The following CAMK4 variants were observed in gnomAD, a reference collection of about 807,000 sequenced individuals.
The protein encoded by CAMK4 is calcium/calmodulin-dependent protein kinase type IV.
In CAMK4, 22 loss-of-function variants were observed where a neutral mutation model predicts 44.9. The ratio of observed to expected loss-of-function variants is 0.49; its 90% CI spans 0.35 to 0.70. The LOEUF (loss-of-function observed/expected upper bound fraction) is 0.70. Among genes scored for constraint, CAMK4 ranks in the 30% least tolerant of loss-of-function variants. The pLI, the probability that CAMK4 is intolerant of heterozygous loss-of-function variation, is 0.01. For synonymous variants in CAMK4, 218 were observed against 215.4 expected (o/e 1.01, Z -0.11); for missense variants, 498 against 586.8 (o/e 0.85, Z 1.56).
intron 5 of CAMK4, among the ~76,000 whole-genome samples, chr5:111,426,141 C>G (rs958547508): frequency 2.6e-5 from 4 of 152,008 alleles, no homozygotes; most frequent in Non-Finnish European, 5.9e-5. Flanking sequence ...TTTTGTATTT[C>G]ATTGATCATA....
At chr5:111,411,081 A>G (rs1752616374) in intron 5 of CAMK4, among the ~76,000 whole-genome samples, 1 of 152,180 alleles carries the variant, frequency 6.6e-6, no homozygotes, top group South Asian at 2.1e-4. Context: ...TTTGTCAACA[A>G]TCTTCCAAAC....
At position 111,486,253 on chromosome 5, in the gene CAMK4, A is replaced by G. The variant is rs952752304; in HGVS notation, c.*1787A>G. On this transcript the variant is annotated 3_prime_UTR_variant, in exon 11 of 11. Transcript: ENST00000282356. ...CAGGTCACTGATATGGAGCCCCTGA[A>G]GAAGCACATCATCTGGGCTCAGAAG... 1.3e-5 allele frequency: 2 copies of G among 152,036 alleles called. No homozygotes were observed. Among genetic ancestry groups the G allele is most frequent in the African/African-American group, 2.4e-5 (1 of 41,388 alleles). The allele number at this position is 152,036 out of a possible 1,614,324, so 9.4% of individuals were successfully genotyped here. A position where few individuals can be genotyped will look rare whatever the true frequency, so the allele number is the denominator to read the frequency against.
At chr5:111,308,155 A>G (rs1748012103) in intron 1 of CAMK4, among the ~76,000 whole-genome samples, 1 of 134,720 alleles carries the variant, frequency 7.4e-6, no homozygotes, top group Non-Finnish European at 1.6e-5. Context: ...ATGCTAGATG[A>G]CACGTTAGTG....
At chr5:111,239,810 A>C (rs952965506) in intron 1 of CAMK4, among the ~76,000 whole-genome samples, 9 of 152,232 alleles carry the variant, frequency 5.9e-5, no homozygotes, top group Admixed American at 5.2e-4. Flanking sequence ...CACTTTCTCA[A>C]AAATGTCATA....
intron 5 of CAMK4, 82 bp from the exon 6 acceptor site, chr5:111,446,604 A>C: frequency 2.7e-6 from 2 of 727,700 alleles, no homozygotes; most frequent in Non-Finnish European, 4.7e-6. Context: ...CACATAACTT[A>C]TAGTTCTTAA....
chr5:111,450,718 G>T (rs1194648633), intron 7 of CAMK4, among the ~76,000 whole-genome samples: 1 of 150,738 alleles, frequency 6.6e-6, no homozygotes, highest in African/African-American at 2.5e-5. Flanking sequence ...CACCTGGGAG[G>T]TAGAGGTTAC....
intron 1 of CAMK4, among the ~76,000 whole-genome samples, chr5:111,266,416 C>T (rs971170310): frequency 5.3e-5 from 8 of 152,214 alleles, no homozygotes; most frequent in African/African-American, 1.9e-4. Flanking sequence ...GTGTATTTTA[C>T]TATTCTCAGG....
chr5:111,260,380 C>T (rs552118068), intron 1 of CAMK4, among the ~76,000 whole-genome samples: 94 of 152,294 alleles, frequency 6.2e-4, no homozygotes, highest in African/African-American at 2.1e-3. Flanking sequence ...ACACCATGTC[C>T]GCTGGTAAAA....
At chr5:111,425,935 A>G (rs1181353677) in intron 5 of CAMK4, among the ~76,000 whole-genome samples, 1 of 152,214 alleles carries the variant, frequency 6.6e-6, no homozygotes, top group Non-Finnish European at 1.5e-5. Flanking sequence ...TGAATTGGCA[A>G]TATCAGACAA....
intron 1 of CAMK4, among the ~76,000 whole-genome samples, chr5:111,293,576 G>A (rs374729461): frequency 3.3e-5 from 5 of 151,272 alleles, no homozygotes; most frequent in South Asian, 2.1e-4. Context: ...ACAAGCACCC[G>A]CCACCACGTC....
chr5:111,359,058 A>G (rs923516501), intron 2 of CAMK4, among the ~76,000 whole-genome samples: 1 of 152,154 alleles, frequency 6.6e-6, no homozygotes, highest in African/African-American at 2.4e-5. Context: ...GTATCTTTAT[A>G]ACAGAATGAT....
In CAMK4 at chr5:111,487,840, C is replaced by G. The variant is rs1177123707; in HGVS notation, c.*3374C>G. 1.3e-5 allele frequency: 2 copies of G among 152,126 alleles called. No individual in the cohort carries two copies. The highest frequency in any genetic ancestry group is 4.8e-5 in the African/African-American group (2 of 41,416). 9.4% of individuals were successfully genotyped at this position (152,126 alleles called of 1,614,324 possible). On this transcript the variant is annotated 3_prime_UTR_variant, in exon 11 of 11. Transcript: ENST00000282356. ...TGGCCTCAGTTTTCACATTGAGGAG[C>G]TGGTGGGAGGCCACAAAGAAAGTGT...
intron 1 of CAMK4, among the ~76,000 whole-genome samples, chr5:111,228,391 A>T (rs549123834): frequency 7.9e-5 from 12 of 152,130 alleles, no homozygotes; most frequent in African/African-American, 2.9e-4. Context: ...AAACACAATT[A>T]TGTGTATACA....
rs996978428 is a variant in CAMK4, at chr5:111,302,354, G to C, written c.162-41670G>C. ...GGTACCGGGTTCATCTCACTAGGGA[G>C]TGCCAGACAGTGGGCGCAGGCCAGT... is the stretch of plus-strand genomic sequence containing the variant. On this transcript the variant is annotated intron_variant, in intron 1 of 10. Coordinates refer to ENST00000282356, the MANE Select transcript of CAMK4 (RefSeq NM_001744.6). 1.5e-4 allele frequency: 23 copies of C among 149,924 alleles called. 1 individual carries two copies. The highest frequency in any genetic ancestry group is 3.4e-3 in the Middle Eastern group (1 of 294). 9.3% of individuals were successfully genotyped at this position (149,924 alleles called of 1,614,324 possible). A position where few individuals can be genotyped will look rare whatever the true frequency, so the allele number is the denominator to read the frequency against.
At chr5:111,308,982 A>T (rs534770176) in intron 1 of CAMK4, among the ~76,000 whole-genome samples, 1 of 152,186 alleles carries the variant, frequency 6.6e-6, no homozygotes, top group Non-Finnish European at 1.5e-5. Context: ...TACCATAAAC[A>T]TGTAGTAAAT....
chr5:111,314,947 A>G (rs886720046), intron 1 of CAMK4, among the ~76,000 whole-genome samples: 3 of 152,114 alleles, frequency 2.0e-5, no homozygotes, highest in African/African-American at 7.2e-5. Flanking sequence ...TATCAAAAAA[A>G]GTATCTTATC....
chr5:111,254,885 G>C (rs1160507193), intron 1 of CAMK4, among the ~76,000 whole-genome samples: 2 of 152,132 alleles, frequency 1.3e-5, no homozygotes, highest in Non-Finnish European at 2.9e-5. Context: ...TTGTGGTTTG[G>C]AGGAGCTGTT....
intron 1 of CAMK4, among the ~76,000 whole-genome samples, chr5:111,331,912 A>G (rs1449390509): frequency 6.6e-6 from 1 of 151,568 alleles, no homozygotes; most frequent in Non-Finnish European, 1.5e-5. Flanking sequence ...TTTTAAGTTC[A>G]TTAGGGGCCA....
At chr5:111,264,867 C>A (rs1750162945) in intron 1 of CAMK4, among the ~76,000 whole-genome samples, 1 of 152,096 alleles carries the variant, frequency 6.6e-6, no homozygotes, top group Non-Finnish European at 1.5e-5. Flanking sequence ...GATGCTGATA[C>A]TAGCAATCTG....
Sources: allele counts gnomAD v4.1 joint callset (sites outside exome capture counted in the v4.1 genomes callset), GRCh38; gene constraint gnomAD v4.1.1; transcripts MANE v1.5; gene names NCBI Gene and HGNC (gene_info 2026-07-23, HGNC 2026-07-21).